CALD1: variants seen among roughly 807,000 people sequenced by gnomAD.
CALD1 encodes the protein caldesmon.
CALD1 carries 33 observed loss-of-function variants against 99.9 expected under a neutral mutation model. The ratio of observed to expected loss-of-function variants is 0.33; its 90% CI spans 0.25 to 0.44. CALD1 has a LOEUF of 0.44. Ranked by LOEUF, CALD1 falls within the 20% of genes least tolerant of loss-of-function variation. CALD1 has a pLI of 1.00. For synonymous variants in CALD1, 310 were observed against 325.0 expected (o/e 0.95, Z 0.50); for missense variants, 861 against 962.1 (o/e 0.89, Z 1.39).
intron 1 of CALD1, among the ~76,000 whole-genome samples, chr7:134,826,498 G>A (rs1051455136): frequency 6.6e-6 from 1 of 152,092 alleles, no homozygotes; most frequent in South Asian, 2.1e-4. Flanking sequence ...TACAGTTTAG[G>A]AGACCCAATT....
At chr7:134,723,281 C>A in the CALD1 span, among the ~76,000 whole-genome samples, 1 of 152,186 alleles carries the variant, frequency 6.6e-6, no homozygotes, top group Non-Finnish European at 1.5e-5. Context: ...GCAGTTTCTG[C>A]ATCTTGGCCT....
chr7:134,865,754 G>A (rs1205355108), intron 2 of CALD1, among the ~76,000 whole-genome samples: 2 of 152,132 alleles, frequency 1.3e-5, no homozygotes, highest in South Asian at 4.1e-4. Flanking sequence ...TCTCCAGCCT[G>A]CTTGGAGATA....
At chr7:134,804,473 A>G (rs892093086) in intron 1 of CALD1, among the ~76,000 whole-genome samples, 3 of 152,216 alleles carry the variant, frequency 2.0e-5, no homozygotes, top group Non-Finnish European at 4.4e-5. Flanking sequence ...GGTTTGGTGC[A>G]CAGCTTGCTG....
At chr7:134,924,697 A>G (rs1015531377) in intron 3 of CALD1, among the ~76,000 whole-genome samples, 2 of 152,224 alleles carry the variant, frequency 1.3e-5, no homozygotes, top group Non-Finnish European at 2.9e-5. Context: ...AGTCATAAAA[A>G]GATCCATAGA....
chr7:134,719,958 G>A, the CALD1 span, among the ~76,000 whole-genome samples: 4 of 151,980 alleles, frequency 2.6e-5, no homozygotes, highest in Non-Finnish European at 5.9e-5. Context: ...TTTCAACTCA[G>A]TTGTACTTTG....
At position 134,950,589 on chromosome 7, in the gene CALD1, T is replaced by C. The variant is rs957804517; in HGVS notation, c.1935+75T>C. 3 of 1,147,960 alleles carry C rather than the reference T, an allele frequency of 2.6e-6. No individual in the cohort carries two copies. In the African/African-American group the frequency reaches 4.6e-5, roughly 18 times the overall value. The allele number at this position is 1,147,960 out of a possible 1,614,324, so 71.1% of individuals were successfully genotyped here. A position where few individuals can be genotyped will look rare whatever the true frequency, so the allele number is the denominator to read the frequency against. ...TTTAGCCCCTTGTTTAGTTATTGAT[T>C]ATACAGGGCCTTTGTTCATTTATCT... is the stretch of plus-strand genomic sequence containing the variant. On this transcript the variant is annotated intron_variant, in intron 9 of 14. Transcript: ENST00000361675.
At chr7:134,814,878 T>A (rs1018769264) in intron 1 of CALD1, among the ~76,000 whole-genome samples, 2 of 152,102 alleles carry the variant, frequency 1.3e-5, no homozygotes, top group African/African-American at 2.4e-5. Context: ...GATAAATGCC[T>A]CCCCCAGTTT....
chr7:134,718,269 G>A, the CALD1 span, among the ~76,000 whole-genome samples: 205 of 152,302 alleles, frequency 1.3e-3, no homozygotes, highest in African/African-American at 4.7e-3. Flanking sequence ...TTTATTGTAA[G>A]CTTGATGTCA....
At chr7:134,953,842 C>G (rs1403991010) in intron 9 of CALD1, among the ~76,000 whole-genome samples, 1 of 152,060 alleles carries the variant, frequency 6.6e-6, no homozygotes, top group Non-Finnish European at 1.5e-5. Context: ...GATGGAGAGG[C>G]ATTTGTCTGC....
intron 6 of CALD1, among the ~76,000 whole-genome samples, chr7:134,940,729 T>A (rs1223635580): frequency 1.3e-5 from 2 of 152,238 alleles, no homozygotes; most frequent in Non-Finnish European, 2.9e-5. Flanking sequence ...CATTCTTCCA[T>A]CAAAGCCATC....
At chr7:134,906,775 T>A (rs1803415989) in intron 3 of CALD1, among the ~76,000 whole-genome samples, 1 of 152,160 alleles carries the variant, frequency 6.6e-6, no homozygotes, top group Non-Finnish European at 1.5e-5. Context: ...GGTGAGGTGA[T>A]TCCTAGGGCC....
rs142056324 is a variant in CALD1 at position 134,794,219 on chromosome 7, T to C, written c.-130+14470T>C. ...CACCTCTACCCAGAGACTAGAACAA[T>C]CCCTACACCACGCAAGCAGCCATGC... On this transcript the variant is annotated intron_variant, in intron 1 of 14. Coordinates refer to ENST00000361675, the MANE Select transcript of CALD1 (RefSeq NM_033138.4). Among the ~76,000 whole-genome samples the C allele has an allele frequency of 2.4e-4, 37 of 152,244 alleles. No homozygotes were observed. In the East Asian group the frequency reaches 7.2e-3, roughly 29 times the overall value.
At chr7:134,876,883 G>A (rs1801377193) in intron 3 of CALD1, among the ~76,000 whole-genome samples, 1 of 152,142 alleles carries the variant, frequency 6.6e-6, no homozygotes, top group East Asian at 1.9e-4. Flanking sequence ...TATCTTTGGG[G>A]AGGATGGGAC....
intron 2 of CALD1, chr7:134,866,702 A>T (rs1309729561): frequency 6.6e-6 from 1 of 152,176 alleles, no homozygotes; most frequent in Non-Finnish European, 1.5e-5. Context: ...TCATGTGCAC[A>T]TAAAGGGCTG....
chr7:134,960,522 C>A lies in CALD1; in HGVS notation c.2200-11C>A. On this transcript the variant is annotated splice_polypyrimidine_tract_variant and intron_variant, in intron 12 of 14. Transcript: ENST00000361675. ...CATTCTTTAATATTTTGGATGATTG[C>A]CCCTTTGTAGGAAACTGCTGGCTTG... 1 of 1,550,134 alleles carries A rather than the reference C, an allele frequency of 6.5e-7. No individual in the cohort carries two copies. Among genetic ancestry groups the A allele is most frequent in the Non-Finnish European group, 8.9e-7 (1 of 1,123,744 alleles).
chr7:134,812,184 C>T (rs1798376536), intron 1 of CALD1, among the ~76,000 whole-genome samples: 1 of 152,116 alleles, frequency 6.6e-6, no homozygotes, highest in African/African-American at 2.4e-5. Context: ...TTTTGGAGAA[C>T]AAATTGTTAC....
At chr7:134,921,077 G>T (rs1804584990) in intron 3 of CALD1, among the ~76,000 whole-genome samples, 1 of 152,186 alleles carries the variant, frequency 6.6e-6, no homozygotes, top group Non-Finnish European at 1.5e-5. Context: ...CTATCCACTG[G>T]CAATCTTGTA....
intron 1 of CALD1, among the ~76,000 whole-genome samples, chr7:134,841,892 G>A (rs746435509): frequency 6.6e-6 from 1 of 152,186 alleles, no homozygotes; most frequent in Non-Finnish European, 1.5e-5. Context: ...GGCTTCTCAA[G>A]GGCTCTGCCT....
chr7:134,859,028 T>G (rs1800445002), intron 2 of CALD1, among the ~76,000 whole-genome samples: 1 of 152,222 alleles, frequency 6.6e-6, no homozygotes, highest in Non-Finnish European at 1.5e-5. Context: ...TAAATTTTAT[T>G]TATTTTCAAT....
Sources: allele counts gnomAD v4.1 joint callset (sites outside exome capture counted in the v4.1 genomes callset), GRCh38; gene constraint gnomAD v4.1.1; transcripts MANE v1.5; gene names NCBI Gene and HGNC (gene_info 2026-07-23, HGNC 2026-07-21).